PCDH11X: variants seen among roughly 807,000 people sequenced by gnomAD.
The protein encoded by PCDH11X is protocadherin-11 X-linked.
PCDH11X carries 18 observed loss-of-function variants against 53.3 expected under a neutral mutation model. The observed-to-expected ratio is 0.34, with a 90% CI of 0.23 to 0.50. The LOEUF is 0.50. Ranked by LOEUF, PCDH11X falls within the 20% of genes least tolerant of loss-of-function variation. The pLI is 0.98. For synonymous variants in PCDH11X, 279 were observed against 393.3 expected, an observed-to-expected ratio of 0.71 and a Z score of 3.44; for missense variants, 570 against 1,032.4, an observed-to-expected ratio of 0.55 and a Z score of 6.14.
intron 6 of PCDH11X, among the ~76,000 whole-genome samples, chrX:91,993,973 T>A (rs2062368430): frequency 1.1e-5 from 1 of 92,805 alleles, no homozygotes; most frequent in African/African-American, 4.0e-5. Context: ...TGGTTTTTTT[T>A]AAGTTTTTCT....
intron 8 of PCDH11X, among the ~76,000 whole-genome samples, chrX:92,310,032 C>T (rs1329719502): frequency 8.0e-5 from 9 of 111,942 alleles, no homozygotes; most frequent in African/African-American, 2.6e-4. Context: ...TCAGTTTAAC[C>T]ATCGTTCTTG....
At chrX:92,515,056 A>G (rs1188282542) in intron 10 of PCDH11X, among the ~76,000 whole-genome samples, 1 of 96,273 alleles carries the variant, frequency 1.0e-5, no homozygotes, top group East Asian at 3.3e-4. Flanking sequence ...CAAAAAAAAA[A>G]AAAAAAAGAA....
chrX:91,815,549 T>C (rs1304748011), intron 4 of PCDH11X, among the ~76,000 whole-genome samples: 2 of 110,704 alleles, frequency 1.8e-5, no homozygotes, highest in Non-Finnish European at 3.8e-5. Context: ...TGAAATGTCT[T>C]CTGTGAGAAT....
chrX:92,059,489 G>A (rs1041979672), intron 6 of PCDH11X, among the ~76,000 whole-genome samples: 7 of 110,782 alleles, frequency 6.3e-5, no homozygotes, highest in African/African-American at 2.3e-4. Flanking sequence ...AATTGTAACA[G>A]TTGTAAAAGG....
Position 92,621,867 on chromosome X carries a change from G to A in PCDH11X, c.*2927G>A, listed in dbSNP as rs895804338. Reference sequence around the variant, plus strand: ...TGAATGACTTATATGAGAATAATACGTTCAATCAAAGTAGTTATTCTATTT... The same window carrying A: ...TGAATGACTTATATGAGAATAATACATTCAATCAAAGTAGTTATTCTATTT... On this transcript the variant is annotated 3_prime_UTR_variant, in exon 11 of 11. Coordinates refer to ENST00000682573, the MANE Select transcript of PCDH11X (RefSeq NM_032968.5). 10 of 110,748 alleles carry A rather than the reference G, an allele frequency of 9.0e-5. No homozygotes were observed. The highest frequency in any genetic ancestry group is 1.3e-4 in the Non-Finnish European group (7 of 53,005). The allele number at this position is 110,748 out of a possible 1,213,427, so 9.1% of individuals were successfully genotyped here.
At chrX:92,154,759 C>T (rs1045243693) in intron 6 of PCDH11X, among the ~76,000 whole-genome samples, 3 of 105,850 alleles carry the variant, frequency 2.8e-5, no homozygotes, top group Admixed American at 2.0e-4. Context: ...CCAGAGCCGT[C>T]GGAGAAAAGT....
At chrX:92,435,439 C>A (rs1380263163) in intron 9 of PCDH11X, among the ~76,000 whole-genome samples, 1 of 110,040 alleles carries the variant, frequency 9.1e-6, no homozygotes, top group Admixed American at 9.7e-5. Context: ...ATACAGAGAA[C>A]CCCTAAAAAA....
chrX:91,828,586 A>G (rs1937003170), intron 4 of PCDH11X, among the ~76,000 whole-genome samples: 1 of 111,580 alleles, frequency 9.0e-6, no homozygotes, highest in African/African-American at 3.3e-5. Flanking sequence ...ATGTGTAAAA[A>G]ACTGAGAACT....
intron 7 of PCDH11X, among the ~76,000 whole-genome samples, chrX:92,233,872 T>G (rs2067125335): frequency 8.9e-6 from 1 of 112,234 alleles, no homozygotes; most frequent in Non-Finnish European, 1.9e-5. Flanking sequence ...TTGTATTCAC[T>G]GATTTTAAAA....
At chrX:92,560,907 T>C (rs1407396502) in intron 10 of PCDH11X, among the ~76,000 whole-genome samples, 1 of 108,518 alleles carries the variant, frequency 9.2e-6, no homozygotes, top group Non-Finnish European at 1.9e-5. Flanking sequence ...CTGTGCTGGC[T>C]TCAGATCTGG....
At chrX:92,010,588 T>C (rs1410555955) in intron 6 of PCDH11X, among the ~76,000 whole-genome samples, 1 of 111,271 alleles carries the variant, frequency 9.0e-6, no homozygotes, top group African/African-American at 3.3e-5. Flanking sequence ...GTTTTCCATG[T>C]GTACAGAACA....
chrX:92,087,037 G>A (rs753891340), intron 6 of PCDH11X, among the ~76,000 whole-genome samples: 2 of 109,882 alleles, frequency 1.8e-5, no homozygotes, highest in East Asian at 5.7e-4. Flanking sequence ...GCACAGATGA[G>A]GAGAGGTCTC....
At chrX:91,914,985 G>T (rs1024803536) in intron 6 of PCDH11X, among the ~76,000 whole-genome samples, 1 of 110,490 alleles carries the variant, frequency 9.1e-6, no homozygotes, top group African/African-American at 3.3e-5. Context: ...AATCTTAAGA[G>T]CTGTGAGACA....
At chrX:92,322,396 G>GA (rs2069235468) in intron 8 of PCDH11X, among the ~76,000 whole-genome samples, 1 of 110,879 alleles carries the variant, frequency 9.0e-6, no homozygotes, top group African/African-American at 3.3e-5. Flanking sequence ...AATAATCAGA[G>GA]AAAAAAGTTA....
intron 9 of PCDH11X, among the ~76,000 whole-genome samples, chrX:92,442,818 A>G (rs1389579198): frequency 9.0e-6 from 1 of 111,017 alleles, no homozygotes; most frequent in East Asian, 2.8e-4. Context: ...TTCATCATTG[A>G]TGGGCACCTA....
At chrX:92,456,401 C>T (rs1022610841) in intron 9 of PCDH11X, among the ~76,000 whole-genome samples, 6 of 111,402 alleles carry the variant, frequency 5.4e-5, no homozygotes, top group African/African-American at 2.0e-4. Context: ...AATAGGAACT[C>T]AGACAAATGC....
chrX:92,112,108 C>CAA (rs1298986415), intron 6 of PCDH11X, among the ~76,000 whole-genome samples: 6,797 of 72,217 alleles, frequency 0.094, 773 homozygotes, highest in African/African-American at 0.29. Flanking sequence ...CCAGGAATAC[C>CAA]AAAAAAAAAA....
At chrX:91,803,027 T>C (rs1384310816) in intron 1 of PCDH11X, among the ~76,000 whole-genome samples, 1 of 111,632 alleles carries the variant, frequency 9.0e-6, no homozygotes, top group African/African-American at 3.2e-5. Flanking sequence ...TAATATGAGT[T>C]CCTGAAAAAT....
chrX:92,459,914 T>C (rs2072998944), intron 9 of PCDH11X: 10 of 1,178,040 alleles, frequency 8.5e-6, no homozygotes, highest in Admixed American at 2.2e-5. Flanking sequence ...AAGAAGACCA[T>C]GCAAAGCCTG....
Sources: gnomAD v4.1 joint callset for allele counts (sites outside exome capture counted in the v4.1 genomes callset) on GRCh38, gnomAD v4.1.1 for gene constraint, MANE v1.5 for transcripts, NCBI Gene and HGNC (gene_info 2026-07-23, HGNC 2026-07-21) for gene names.